Variants in XNDC1N observed in about 807,000 individuals in gnomAD.
The protein encoded by XNDC1N is protein XNDC1N.
chr11:71,883,091 A>G, the XNDC1N span, among the ~76,000 whole-genome samples: 2 of 152,238 alleles, frequency 1.3e-5, no homozygotes, highest in East Asian at 3.8e-4. Flanking sequence ...AAGAAATTAA[A>G]GAAGACACAA....
the XNDC1N span, among the ~76,000 whole-genome samples, chr11:71,896,947 T>A: frequency 6.6e-6 from 1 of 152,328 alleles, no homozygotes; most frequent in African/African-American, 2.4e-5. Context: ...GTTCACATGA[T>A]TTTTCACGAG....
the XNDC1N span, chr11:71,884,172 C>T: frequency 1.1e-5 from 4 of 370,142 alleles, no homozygotes; most frequent in Non-Finnish European, 1.9e-5. Flanking sequence ...TAATAGTTCT[C>T]ATTTAAAATT....
the XNDC1N span, among the ~76,000 whole-genome samples, chr11:71,907,095 C>G: frequency 6.6e-6 from 1 of 152,062 alleles, no homozygotes; most frequent in South Asian, 2.1e-4. Context: ...TAACGTCCCG[C>G]TAGGGTATTG....
chr11:71,896,465 T>G, the XNDC1N span, among the ~76,000 whole-genome samples: 1 of 152,252 alleles, frequency 6.6e-6, no homozygotes, highest in Non-Finnish European at 1.5e-5. Context: ...TCACAAGAAT[T>G]GCTTGCATAT....
chr11:71,920,584 C>T, the XNDC1N span, among the ~76,000 whole-genome samples: 2 of 152,114 alleles, frequency 1.3e-5, no homozygotes, highest in South Asian at 2.1e-4. Context: ...GGATTACAGG[C>T]GTGAGCCACC....
the XNDC1N span, chr11:71,923,253 T>A: frequency 1.4e-6 from 1 of 701,214 alleles, no homozygotes; most frequent in Non-Finnish European, 2.6e-6. Context: ...AGACTCCTAT[T>A]TTTTTCACTC....
the XNDC1N span, chr11:71,916,738 C>T: frequency 3.9e-3 from 621 of 159,758 alleles, 3 homozygotes; most frequent in Non-Finnish European, 6.7e-3. Flanking sequence ...CAGTACCTCA[C>T]TTTCTCCAAA....
the XNDC1N span, among the ~76,000 whole-genome samples, chr11:71,914,990 A>C: frequency 6.6e-6 from 1 of 152,236 alleles, no homozygotes; most frequent in Non-Finnish European, 1.5e-5. Context: ...AAACAGTATC[A>C]CATGCTACAG....
chr11:71,885,845 T>C, the XNDC1N span, among the ~76,000 whole-genome samples: 154 of 152,042 alleles, frequency 1.0e-3, 2 homozygotes, highest in South Asian at 0.03. Context: ...ATATCAGTTA[T>C]TAATATCAGG....
At chr11:71,903,733 A>T in the XNDC1N span, 1 of 375,562 alleles carries the variant, frequency 2.7e-6, no homozygotes, top group Non-Finnish European at 5.1e-6. Context: ...AAGGATGTGG[A>T]AATTCCTAAT....
chr11:71,902,316 C>T, the XNDC1N span, among the ~76,000 whole-genome samples: 63 of 152,334 alleles, frequency 4.1e-4, no homozygotes, highest in African/African-American at 1.4e-3. Context: ...CTCAGCCTCC[C>T]GAGTAGCTGG....
the XNDC1N span, chr11:71,865,521 A>G: frequency 6.8e-6 from 1 of 148,038 alleles, no homozygotes. Flanking sequence ...CAGAAAATCT[A>G]ATTTCTTTTT....
the XNDC1N span, among the ~76,000 whole-genome samples, chr11:71,876,776 G>A: frequency 1.4e-4 from 21 of 152,242 alleles, no homozygotes; most frequent in Admixed American, 2.0e-4. Context: ...GCTTTTCCTC[G>A]TGATCAAGAA....
the XNDC1N span, chr11:71,919,101 C>T: frequency 1.7e-4 from 113 of 681,662 alleles, no homozygotes; most frequent in African/African-American, 1.8e-3. Flanking sequence ...AATGAGGGAT[C>T]GCTAAAACCC....
At chr11:71,886,533 C>A in the XNDC1N span, among the ~76,000 whole-genome samples, 3 of 152,038 alleles carry the variant, frequency 2.0e-5, no homozygotes, top group Non-Finnish European at 4.4e-5. Context: ...CGTTAACAAG[C>A]TCTCTGAGGA....
chr11:71,918,774 T>C, the XNDC1N span: 1 of 631,736 alleles, frequency 1.6e-6, no homozygotes, highest in South Asian at 1.8e-5. Context: ...GTAAAACTTA[T>C]TCCATAAAGG....
the XNDC1N span, among the ~76,000 whole-genome samples, chr11:71,870,833 T>G: frequency 1.3e-5 from 2 of 152,178 alleles, no homozygotes; most frequent in African/African-American, 4.8e-5. Flanking sequence ...CACAATGAGA[T>G]ATCACCTCAC....
chr11:71,923,512 G>A, the XNDC1N span: 2 of 617,026 alleles, frequency 3.2e-6, no homozygotes, highest in Non-Finnish European at 5.8e-6. Context: ...AACTAGCCAT[G>A]GCTGTGGTAA....
At chr11:71,905,456 C>A in the XNDC1N span, among the ~76,000 whole-genome samples, 1 of 150,866 alleles carries the variant, frequency 6.6e-6, no homozygotes, top group Non-Finnish European at 1.5e-5. Context: ...ACAGGGTGTA[C>A]AACCCCTGTG....
Sources: allele counts gnomAD v4.1 joint callset (sites outside exome capture counted in the v4.1 genomes callset), GRCh38; gene constraint gnomAD v4.1.1; transcripts MANE v1.5; gene names NCBI Gene and HGNC (gene_info 2026-07-23, HGNC 2026-07-21).